Variants in ALDH1L2 observed in about 807,000 individuals in gnomAD.
The protein encoded by ALDH1L2 is mitochondrial 10-formyltetrahydrofolate dehydrogenase.
A neutral mutation model predicts 111.0 loss-of-function variants in ALDH1L2; 91 were observed. That is an observed-to-expected ratio of 0.82 (90% CI 0.69 to 0.98). The LOEUF is 0.98. Among genes scored for constraint, ALDH1L2 ranks in the 50% least tolerant of loss-of-function variants. The pLI, the probability that ALDH1L2 is intolerant of heterozygous loss-of-function variation, is 0.00. For missense variants in ALDH1L2, 995 were observed against 1,126.8 expected (o/e 0.88, Z 1.67); for synonymous variants, 374 against 392.6 (o/e 0.95, Z 0.56).
chr12:105,046,127 C>T (rs79238830), intron 15 of ALDH1L2, among the ~76,000 whole-genome samples: 6,141 of 131,120 alleles, frequency 0.047, 413 homozygotes, highest in African/African-American at 0.14. Flanking sequence ...CTTTTACATG[C>T]TTTTCCCTCA....
At chr12:105,070,326 A>G (rs1469412444) in intron 3 of ALDH1L2, among the ~76,000 whole-genome samples, 1 of 152,176 alleles carries the variant, frequency 6.6e-6, no homozygotes. Context: ...ACAACTGTTC[A>G]AGCATGCCTA....
intron 9 of ALDH1L2, among the ~76,000 whole-genome samples, chr12:105,059,833 T>C (rs901664454): frequency 2.0e-5 from 3 of 152,158 alleles, no homozygotes; most frequent in African/African-American, 7.2e-5. Context: ...AGGAGGAACA[T>C]TTTTGCCTTG....
intron 20 of ALDH1L2, among the ~76,000 whole-genome samples, chr12:105,031,067 G>A (rs1206735336): frequency 1.3e-5 from 2 of 152,054 alleles, no homozygotes; most frequent in African/African-American, 4.8e-5. Flanking sequence ...TTTCTTTCTG[G>A]TTAATCATTG....
At chr12:105,039,323 A>T (rs1257678666) in intron 17 of ALDH1L2, among the ~76,000 whole-genome samples, 2 of 152,252 alleles carry the variant, frequency 1.3e-5, no homozygotes, top group African/African-American at 4.8e-5. Context: ...AGCTTAAAAA[A>T]AAATTGCTTT....
chr12:105,044,218 C>T (rs1306432332), intron 15 of ALDH1L2, among the ~76,000 whole-genome samples: 1 of 152,168 alleles, frequency 6.6e-6, no homozygotes, highest in African/African-American at 2.4e-5. Context: ...TATCTGGCAA[C>T]TGGTATGCAC....
chr12:105,058,405 T>A (rs1034220969), intron 9 of ALDH1L2, among the ~76,000 whole-genome samples, 185 bp from the exon 10 acceptor site: 3 of 152,222 alleles, frequency 2.0e-5, no homozygotes, highest in Non-Finnish European at 2.9e-5. Context: ...ATTAAAAATA[T>A]ATCTTGAAGG....
chr12:105,077,061 A>C (rs187223115), intron 1 of ALDH1L2, among the ~76,000 whole-genome samples: 1 of 152,342 alleles, frequency 6.6e-6, no homozygotes, highest in East Asian at 1.9e-4. Flanking sequence ...AGAAAAAGAA[A>C]AACATAGCAA....
At chr12:105,030,705 A>G (rs1874650712) in intron 20 of ALDH1L2, among the ~76,000 whole-genome samples, 1 of 152,226 alleles carries the variant, frequency 6.6e-6, no homozygotes, top group Non-Finnish European at 1.5e-5. Flanking sequence ...TTCCTCATTG[A>G]AATATTTTAA....
intron 6 of ALDH1L2, among the ~76,000 whole-genome samples, chr12:105,064,114 CTTTTTTTTTTTTTTTTTTTTTT>C (rs71069786): frequency 8.8e-4 from 31 of 35,116 alleles, no homozygotes; most frequent in African/African-American, 2.7e-3. Flanking sequence ...CCACACCGAG[CTTTTTTTTTTTTTTTTTTTTTT>C]TTTTTTTTTT....
At position 105,073,953 on chromosome 12, in the gene ALDH1L2, C is replaced by A; in HGVS notation, c.101G>T (p.Gly34Val). ...KLALIGQSLF[G>V]QEVYSHLRKE... ...GCGGAGGTGGCTATAGACTTCTTGT[C>A]CAAAGAGGCTCTGGCCAATTAGTGC... The change falls in exon 2 of 23, where the codon GGA (glycine) becomes GTA (valine). Residue 34 changes from glycine (G) to valine (V), a missense_variant. Coordinates refer to ENST00000258494, the MANE Select transcript of ALDH1L2 (RefSeq NM_001034173.4). The A allele has an allele frequency of 6.2e-7, 1 of 1,614,130 alleles. No individual in the cohort carries two copies. Among genetic ancestry groups the A allele is most frequent in the Non-Finnish European group, 8.5e-7 (1 of 1,180,032 alleles).
At chr12:105,068,032 A>C (rs921656166) in intron 4 of ALDH1L2, among the ~76,000 whole-genome samples, 2 of 152,138 alleles carry the variant, frequency 1.3e-5, no homozygotes, top group Non-Finnish European at 2.9e-5. Flanking sequence ...GTAGAATGGA[A>C]ACTTGAGCTT....
At chr12:105,034,269 A>G in intron 19 of ALDH1L2, 31 bp downstream of exon 19, 3 of 1,604,778 alleles carry the variant, frequency 1.9e-6, no homozygotes, top group Non-Finnish European at 1.7e-6. Flanking sequence ...AAATCTCTAA[A>G]CAACTCAGAG....
chr12:105,024,486 A>G lies in ALDH1L2; in HGVS notation c.2717-7T>C. On this transcript the variant is annotated splice_polypyrimidine_tract_variant and splice_region_variant and intron_variant, in intron 22 of 22. Coordinates refer to ENST00000258494, the MANE Select transcript of ALDH1L2 (RefSeq NM_001034173.4). ...TCATTTAGAGCTTCCTCACCTAGGG[A>G]AGAGAAAAGCAGTTGACAGACCACA... 1.9e-6 allele frequency: 3 copies of G among 1,613,820 alleles called. No individual in the cohort carries two copies. Among genetic ancestry groups the G allele is most frequent in the South Asian group, 1.1e-5 (1 of 91,020 alleles).
chr12:105,052,255 T>G (rs754831241), intron 11 of ALDH1L2, 38 bp from the exon 12 acceptor site: 15 of 1,514,678 alleles, frequency 9.9e-6, no homozygotes, highest in African/African-American at 2.8e-5. Flanking sequence ...CCATGAGAGA[T>G]ATGAAAATAT....
At chr12:105,025,745 C>T (rs576961773) in intron 22 of ALDH1L2, among the ~76,000 whole-genome samples, 34 of 152,314 alleles carry the variant, frequency 2.2e-4, no homozygotes, top group African/African-American at 7.9e-4. Context: ...TTTGAAACAA[C>T]GTACCAGACT....
rs1160324305 is a variant in ALDH1L2, at chr12:105,046,214, TATATATA to T, written c.1863+489_1863+495del. 1.5e-3 allele frequency among the ~76,000 whole-genome samples: 78 copies of T among 52,640 alleles called. 3 individuals carry two copies. The highest frequency in any genetic ancestry group is 3.9e-3 in the East Asian group (6 of 1,520). The allele number at this position is 52,640 out of a possible 152,430, so 34.5% of individuals were successfully genotyped here. On this transcript the variant is annotated intron_variant, in intron 15 of 22. Coordinates refer to ENST00000258494, the MANE Select transcript of ALDH1L2 (RefSeq NM_001034173.4). ...CTCTCTATATATATATATATATATA[TATATATA>T]TTTTTTTTTTTTTTTTTTTTTTTTT...
intron 6 of ALDH1L2, among the ~76,000 whole-genome samples, chr12:105,063,471 GTC>G (rs1238606393): frequency 1.5e-5 from 2 of 132,246 alleles, no homozygotes; most frequent in African/African-American, 5.5e-5. Flanking sequence ...GCCAGACTCT[GTC>G]TCAAAGAAAA....
At position 105,039,096 on chromosome 12, in the gene ALDH1L2, T is replaced by C. The variant is rs1190184080; in HGVS notation, c.2045+617A>G. Among the ~76,000 whole-genome samples, 3 of 152,246 alleles carry C rather than the reference T, an allele frequency of 2.0e-5. No individual in the cohort carries two copies. In the East Asian group the frequency reaches 5.8e-4, roughly 29 times the overall value. On this transcript the variant is annotated intron_variant, in intron 17 of 22. Coordinates refer to ENST00000258494, the MANE Select transcript of ALDH1L2 (RefSeq NM_001034173.4). Reference sequence around the variant, plus strand: ...CATTGTTTTTACCATTTTGATATACTACCTATTTGTGATCTGTCCTACCAT... The same window carrying C: ...CATTGTTTTTACCATTTTGATATACCACCTATTTGTGATCTGTCCTACCAT...
At chr12:105,068,152 CTTCT>C (rs1392021653) in intron 4 of ALDH1L2, among the ~76,000 whole-genome samples, 1 of 152,094 alleles carries the variant, frequency 6.6e-6, no homozygotes, top group Non-Finnish European at 1.5e-5. Context: ...AATCTTGCTA[CTTCT>C]TTCATACTAG....
Sources: allele counts gnomAD v4.1 joint callset (sites outside exome capture counted in the v4.1 genomes callset), GRCh38; gene constraint gnomAD v4.1.1; transcripts MANE v1.5; gene names NCBI Gene and HGNC (gene_info 2026-07-23, HGNC 2026-07-21).